CLOCK: variants seen among roughly 807,000 people sequenced by gnomAD.
The protein encoded by CLOCK is clock circadian regulator.
In CLOCK, 43 loss-of-function variants were observed where a neutral mutation model predicts 118.4. The observed-to-expected ratio is 0.36, with a 90% CI of 0.28 to 0.47. The LOEUF (loss-of-function observed/expected upper bound fraction) is 0.47, where lower values mean the gene tolerates loss of function less well. CLOCK is among the 20% of genes least tolerant of loss of function. The probability of loss-of-function intolerance (pLI) is 1.00; values close to 1 mark genes in which losing one functional copy is unlikely to be tolerated. For missense variants in CLOCK, 846 were observed against 999.9 expected, an observed-to-expected ratio of 0.85 and a Z score of 2.08; for synonymous variants, 326 against 339.2, an observed-to-expected ratio of 0.96 and a Z score of 0.43.
rs111662157 is a variant in CLOCK at position 55,434,223 on chromosome 4, T to TC, written c.*1191dup. On this transcript the variant is annotated 3_prime_UTR_variant, in exon 23 of 23. Transcript: ENST00000513440. The stretch of plus-strand genomic sequence containing the variant: ...AAAATCAAGGCACTATGGGGTTTTT[T>TC]CCCCTCAAATAACCCTGAATCATTT... 4 of 152,716 alleles carry TC rather than the reference T, an allele frequency of 2.6e-5. No homozygotes were observed. The highest frequency in any genetic ancestry group is 7.2e-5 in the African/African-American group (3 of 41,568). 9.5% of individuals were successfully genotyped at this position (152,716 alleles called of 1,614,324 possible).
At chr4:55,462,608 T>C (rs570866384) in intron 9 of CLOCK, among the ~76,000 whole-genome samples, 1 of 152,334 alleles carries the variant, frequency 6.6e-6, no homozygotes, top group Admixed American at 6.5e-5. Context: ...TTTCTCTCCT[T>C]GTTCTACGTA....
At chr4:55,488,032 G>A (rs776997544) in intron 3 of CLOCK, among the ~76,000 whole-genome samples, 4 of 151,954 alleles carry the variant, frequency 2.6e-5, no homozygotes, top group Non-Finnish European at 4.4e-5. Flanking sequence ...TCTTAATTAG[G>A]CTTTCATCCC....
At chr4:55,488,580 T>A (rs1376113122) in intron 3 of CLOCK, among the ~76,000 whole-genome samples, 1 of 152,232 alleles carries the variant, frequency 6.6e-6, no homozygotes, top group Non-Finnish European at 1.5e-5. Flanking sequence ...AAACATTTCA[T>A]TGTCTTTCTT....
chr4:55,513,879 A>T lies in CLOCK; in HGVS notation c.-289-3814T>A, dbSNP rs141628337. Among the ~76,000 whole-genome samples the T allele has an allele frequency of 3.1e-4, 47 of 152,174 alleles. No individual in the cohort carries two copies. In the East Asian group the frequency reaches 8.9e-3, roughly 29 times the overall value. Reference sequence around the variant, plus strand: ...TACCTAAGTATTTATTTTGGGAGATATTAATGTAATGGTATTGTGTTTTTA... The same window carrying T: ...TACCTAAGTATTTATTTTGGGAGATTTTAATGTAATGGTATTGTGTTTTTA... On this transcript the variant is annotated intron_variant, in intron 1 of 22. Coordinates refer to ENST00000513440, the MANE Select transcript of CLOCK (RefSeq NM_004898.4).
At chr4:55,495,164 T>C (rs996523361) in intron 2 of CLOCK, among the ~76,000 whole-genome samples, 6 of 151,994 alleles carry the variant, frequency 3.9e-5, no homozygotes, top group Non-Finnish European at 7.4e-5. Context: ...CATCCCTATA[T>C]ACTTTCATCC....
intron 21 of CLOCK, among the ~76,000 whole-genome samples, chr4:55,441,110 A>G (rs11133380): frequency 0.34 from 51,347 of 152,046 alleles, 9,368 homozygotes; most frequent in East Asian, 0.58. Context: ...TTGGGGAAGG[A>G]ACGATGCCAT....
chr4:55,429,249 TCA>T lies in CLOCK; in HGVS notation c.*6164_*6165del, dbSNP rs2109584468. On this transcript the variant is annotated 3_prime_UTR_variant, in exon 23 of 23. Transcript: ENST00000513440. ...TGAAAACGTATCTTCAGTTTAACCC[TCA>T]GAGTTAAGAAATATTTTTTAGATCA... 1 of 152,314 alleles carries T rather than the reference TCA, an allele frequency of 6.6e-6. No individual in the cohort carries two copies. Among genetic ancestry groups the T allele is most frequent in the Admixed American group, 6.5e-5 (1 of 15,290 alleles). 9.4% of individuals were successfully genotyped at this position (152,314 alleles called of 1,614,324 possible).
intron 11 of CLOCK, among the ~76,000 whole-genome samples, chr4:55,456,961 T>C (rs911791423): frequency 2.0e-5 from 3 of 152,206 alleles, no homozygotes; most frequent in Non-Finnish European, 4.4e-5. Flanking sequence ...ATTCTAGGCA[T>C]AAGCCAAAAT....
At chr4:55,496,799 C>CG (rs1728113076) in intron 2 of CLOCK, among the ~76,000 whole-genome samples, 1 of 152,110 alleles carries the variant, frequency 6.6e-6, no homozygotes, top group South Asian at 2.1e-4. Flanking sequence ...ACTAAGGAAT[C>CG]ACGTCACCAT....
chr4:55,502,446 C>T (rs548839086), intron 2 of CLOCK, among the ~76,000 whole-genome samples: 95 of 152,198 alleles, frequency 6.2e-4, no homozygotes, highest in Non-Finnish European at 1.2e-3. Context: ...TACTGCATTA[C>T]GGTAGGGAAA....
chr4:55,473,922 T>C (rs1348886428), intron 7 of CLOCK, among the ~76,000 whole-genome samples: 1 of 152,184 alleles, frequency 6.6e-6, no homozygotes, highest in Non-Finnish European at 1.5e-5. Flanking sequence ...TCCCTCTCCT[T>C]GGAGCTCCCC....
Position 55,449,273 on chromosome 4 carries a change from A to G in CLOCK, c.1449+123T>C, listed in dbSNP as rs555454937. 719 of 852,806 alleles carry G rather than the reference A, an allele frequency of 8.4e-4. 1 individual carries two copies. In the Middle Eastern group the frequency reaches 8.6e-3, roughly 10 times the overall value. 52.8% of individuals were successfully genotyped at this position (852,806 alleles called of 1,614,324 possible). On this transcript the variant is annotated intron_variant, in intron 17 of 22. Transcript: ENST00000513440. The stretch of plus-strand genomic sequence containing the variant: ...AAAGGAAGTCTTAAGTAAGTGTCAC[A>G]TATCAGTAACTATTTTGATCTTTAC...
At chr4:55,480,801 G>A (rs1299283565) in intron 4 of CLOCK, among the ~76,000 whole-genome samples, 2 of 151,370 alleles carry the variant, frequency 1.3e-5, no homozygotes, top group African/African-American at 4.9e-5. Context: ...TGAGGCAGGA[G>A]AATGGCGTGA....
At chr4:55,534,180 C>T (rs11133398) in intron 1 of CLOCK, among the ~76,000 whole-genome samples, 51,367 of 151,820 alleles carry the variant, frequency 0.34, 9,372 homozygotes, top group East Asian at 0.58. Flanking sequence ...TCAAGTGGAG[C>T]ATCAGTGCAA....
chr4:55,541,167 A>G (rs1023270392), intron 1 of CLOCK, among the ~76,000 whole-genome samples: 1 of 152,220 alleles, frequency 6.6e-6, no homozygotes, highest in African/African-American at 2.4e-5. Flanking sequence ...AAATGGAAAA[A>G]AACAGGAATC....
chr4:55,504,196 GA>G (rs1728639208), intron 2 of CLOCK, among the ~76,000 whole-genome samples: 1 of 141,942 alleles, frequency 7.0e-6, no homozygotes, highest in African/African-American at 2.6e-5. Context: ...TGAGGCAGGA[GA>G]ATCACGTGAA....
chr4:55,537,367 C>G (rs925817603), intron 1 of CLOCK, among the ~76,000 whole-genome samples: 4 of 152,076 alleles, frequency 2.6e-5, no homozygotes, highest in Admixed American at 6.5e-5. Flanking sequence ...ACCTGTAATC[C>G]TAGCACTTTG....
intron 18 of CLOCK, among the ~76,000 whole-genome samples, chr4:55,447,775 A>T (rs1723993309): frequency 6.6e-6 from 1 of 152,218 alleles, no homozygotes; most frequent in Non-Finnish European, 1.5e-5. Context: ...AGCTATTTTT[A>T]AAAATATTGT....
intron 18 of CLOCK, among the ~76,000 whole-genome samples, chr4:55,447,363 C>CA (rs113812191): frequency 3.3e-5 from 5 of 150,484 alleles, no homozygotes; most frequent in African/African-American, 4.9e-5. Flanking sequence ...GGCGTCGTCT[C>CA]AAAAAAAAAT....
Sources: allele counts gnomAD v4.1 joint callset (sites outside exome capture counted in the v4.1 genomes callset), GRCh38; gene constraint gnomAD v4.1.1; transcripts MANE v1.5; gene names NCBI Gene and HGNC (gene_info 2026-07-23, HGNC 2026-07-21).